Variants in MKLN1 observed in about 807,000 individuals in gnomAD.
The protein encoded by MKLN1 is muskelin 1.
A neutral mutation model predicts 99.0 loss-of-function variants in MKLN1; 18 were observed. That is an observed-to-expected ratio of 0.18 (90% CI 0.13 to 0.27). The LOEUF (loss-of-function observed/expected upper bound fraction) is 0.27. MKLN1 is among the 10% of genes least tolerant of loss of function. MKLN1 has a pLI of 1.00. For synonymous variants in MKLN1, 288 were observed against 293.2 expected, an observed-to-expected ratio of 0.98 and a Z score of 0.18; for missense variants, 621 against 875.9, an observed-to-expected ratio of 0.71 and a Z score of 3.67.
At chr7:131,155,147 CTG>C (rs1004092829) in intron 2 of MKLN1, among the ~76,000 whole-genome samples, 3 of 152,094 alleles carry the variant, frequency 2.0e-5, no homozygotes, top group Non-Finnish European at 4.4e-5. Context: ...ACATTAATAA[CTG>C]TATATTTGGC....
intron 3 of MKLN1, among the ~76,000 whole-genome samples, chr7:131,225,098 A>G (rs1049216887): frequency 4.0e-5 from 6 of 151,146 alleles, no homozygotes; most frequent in African/African-American, 1.5e-4. Flanking sequence ...GAAATACTAG[A>G]GATTTGGGGG....
rs971274548 is a variant in MKLN1 at position 131,346,054 on chromosome 7, A to C, written c.98+18057A>C. Among the ~76,000 whole-genome samples, 6 of 152,250 alleles carry C rather than the reference A, an allele frequency of 3.9e-5. No individual in the cohort carries two copies. The South Asian group carries it at 6.2e-4, about 16-fold the overall frequency. On this transcript the variant is annotated intron_variant, in intron 1 of 17. Transcript: ENST00000352689. ...TGAAAAATGAAAGACCTTCCAGCCT[A>C]TAAGTAAAATTACATTTACATTTTG...
rs577068896 is a variant in MKLN1 at position 131,140,088 on chromosome 7, C to T, written c.-418-2732C>T. Reference sequence around the variant, plus strand: ...GCATCCATTGGTTCCATTTACTCTTCAACTCACTCTGACCTGACTGCTGCC... The same window carrying T: ...GCATCCATTGGTTCCATTTACTCTTTAACTCACTCTGACCTGACTGCTGCC... On this transcript the variant is annotated intron_variant, in intron 1 of 7. Transcript: ENST00000416992. Among the ~76,000 whole-genome samples, 4 of 152,318 alleles carry T rather than the reference C, an allele frequency of 2.6e-5. No individual in the cohort carries two copies. The South Asian group carries it at 8.3e-4, about 32-fold the overall frequency.
intron 2 of MKLN1, among the ~76,000 whole-genome samples, chr7:131,187,779 G>A (rs1159919718): frequency 6.6e-6 from 1 of 151,996 alleles, no homozygotes; most frequent in Non-Finnish European, 1.5e-5. Flanking sequence ...GCGAAACCCC[G>A]TCTCTACTAA....
intron 3 of MKLN1, among the ~76,000 whole-genome samples, chr7:131,254,962 G>A (rs887467396): frequency 1.3e-5 from 2 of 152,048 alleles, no homozygotes; most frequent in African/African-American, 4.8e-5. Context: ...CACAGTCATG[G>A]CTTACTGCAG....
chr7:131,422,928 T>G (rs572243521), intron 8 of MKLN1, among the ~76,000 whole-genome samples: 79 of 152,340 alleles, frequency 5.2e-4, no homozygotes, highest in Middle Eastern at 6.8e-3. Flanking sequence ...TGGATCAGTT[T>G]TATTAATTGT....
At chr7:131,292,000 AG>A (rs1798226321) in intron 3 of MKLN1, among the ~76,000 whole-genome samples, 1 of 151,918 alleles carries the variant, frequency 6.6e-6, no homozygotes, top group African/African-American at 2.4e-5. Flanking sequence ...CTAGCTATTC[AG>A]GGGGCCGAGG....
intron 3 of MKLN1, among the ~76,000 whole-genome samples, chr7:131,269,119 T>G (rs1036823300): frequency 2.0e-5 from 3 of 152,234 alleles, no homozygotes; most frequent in African/African-American, 7.2e-5. Flanking sequence ...CCCAAAGCCA[T>G]GTGGCATATC....
intron 2 of MKLN1, among the ~76,000 whole-genome samples, chr7:131,197,761 T>G (rs1269671613): frequency 2.6e-5 from 4 of 152,024 alleles, no homozygotes; most frequent in Non-Finnish European, 5.9e-5. Context: ...GTATAACTAA[T>G]AGTATAACCA....
At chr7:131,133,416 G>A (rs1795592248) in intron 1 of MKLN1, among the ~76,000 whole-genome samples, 2 of 129,118 alleles carry the variant, frequency 1.5e-5, no homozygotes, top group South Asian at 5.0e-4. Flanking sequence ...GTGCAGTGGC[G>A]TGATCTCGGC....
At chr7:131,461,192 GA>G (rs933266745) in intron 12 of MKLN1, among the ~76,000 whole-genome samples, 2 of 150,612 alleles carry the variant, frequency 1.3e-5, no homozygotes, top group Admixed American at 1.3e-4. Flanking sequence ...ATAATGACAA[GA>G]AAAAAAGTCT....
At chr7:131,401,350 C>T (rs1794536981) in intron 6 of MKLN1, among the ~76,000 whole-genome samples, 1 of 152,168 alleles carries the variant, frequency 6.6e-6, no homozygotes, top group African/African-American at 2.4e-5. Flanking sequence ...CCTCTTTGCC[C>T]ATGCAGGATC....
chr7:131,134,203 T>C (rs76398961), intron 1 of MKLN1, among the ~76,000 whole-genome samples: 2,004 of 152,278 alleles, frequency 0.013, 42 homozygotes, highest in African/African-American at 0.041. Context: ...ATACCTGGTC[T>C]GACCCCAGAG....
intron 3 of MKLN1, among the ~76,000 whole-genome samples, chr7:131,315,348 C>T (rs545176573): frequency 2.0e-5 from 3 of 152,200 alleles, no homozygotes; most frequent in Middle Eastern, 3.4e-3. Context: ...CAAGGGAAGC[C>T]GTGAGGGACT....
intron 3 of MKLN1, among the ~76,000 whole-genome samples, chr7:131,215,885 A>T (rs1277162715): frequency 1.3e-5 from 2 of 152,000 alleles, no homozygotes; most frequent in Non-Finnish European, 2.9e-5. Flanking sequence ...CTAACAAGCC[A>T]GTTTGTTTGG....
At chr7:131,252,148 A>G (rs1797590225) in intron 3 of MKLN1, among the ~76,000 whole-genome samples, 1 of 152,104 alleles carries the variant, frequency 6.6e-6, no homozygotes, top group African/African-American at 2.4e-5. Context: ...GGAGTTCACA[A>G]ACTCAAAGCA....
At chr7:131,193,263 A>G (rs1291968714) in intron 2 of MKLN1, among the ~76,000 whole-genome samples, 1 of 152,180 alleles carries the variant, frequency 6.6e-6, no homozygotes, top group Non-Finnish European at 1.5e-5. Flanking sequence ...TTTCCTTACT[A>G]TATGTCTTGT....
At chr7:131,206,993 G>A (rs1364284589) in intron 3 of MKLN1, among the ~76,000 whole-genome samples, 2 of 152,164 alleles carry the variant, frequency 1.3e-5, no homozygotes, top group African/African-American at 4.8e-5. Flanking sequence ...GTCGAGGCTT[G>A]GAGCTAGGTG....
At chr7:131,399,780 G>C (rs1188912886) in intron 6 of MKLN1, among the ~76,000 whole-genome samples, 1 of 152,020 alleles carries the variant, frequency 6.6e-6, no homozygotes, top group East Asian at 1.9e-4. Context: ...TGAGGAGAAG[G>C]GGGGCTAGAT....
Sources: allele counts gnomAD v4.1 joint callset (sites outside exome capture counted in the v4.1 genomes callset), GRCh38; gene constraint gnomAD v4.1.1; transcripts MANE v1.5; gene names NCBI Gene and HGNC (gene_info 2026-07-23, HGNC 2026-07-21).